The following GALNT11 variants were observed in gnomAD, a reference collection of about 807,000 sequenced individuals.
The protein encoded by GALNT11 is UDP-GalNAc:polypeptide N-acetylgalactosaminyltransferase 11.
A neutral mutation model predicts 72.7 loss-of-function variants in GALNT11; 47 were observed. The ratio of observed to expected loss-of-function variants is 0.65; its 90% CI spans 0.51 to 0.82. The LOEUF (loss-of-function observed/expected upper bound fraction) is 0.82, where lower values mean the gene tolerates loss of function less well. Ranked by LOEUF, GALNT11 falls within the 40% of genes least tolerant of loss-of-function variation. The pLI is 0.00. For synonymous variants in GALNT11, 270 were observed against 286.6 expected (o/e 0.94, Z 0.58); for missense variants, 677 against 778.4 (o/e 0.87, Z 1.55).
chr7:152,098,171 G>C (rs1237044808), intron 2 of GALNT11, among the ~76,000 whole-genome samples: 1 of 152,118 alleles, frequency 6.6e-6, no homozygotes, highest in Non-Finnish European at 1.5e-5. Flanking sequence ...AAGATTATTG[G>C]CCAGGCATGG....
At position 152,116,084 on chromosome 7, in the gene GALNT11, G is replaced by A. The variant is rs987131182; in HGVS notation, c.1234-1073G>A. Among the ~76,000 whole-genome samples, 3 of 152,080 alleles carry A rather than the reference G, an allele frequency of 2.0e-5. No homozygotes were observed. In the East Asian group the frequency reaches 5.8e-4, roughly 29 times the overall value. On this transcript the variant is annotated intron_variant, in intron 8 of 11. Transcript: ENST00000430044. ...AAAAAATTTACTGAGGAGATCAGTG[G>A]TTTTATATATAATTTTTTGATATTG... is the stretch of plus-strand genomic sequence containing the variant.
At chr7:152,046,713 A>G (rs2083143812) in intron 1 of GALNT11, among the ~76,000 whole-genome samples, 1 of 152,156 alleles carries the variant, frequency 6.6e-6, no homozygotes, top group Non-Finnish European at 1.5e-5. Flanking sequence ...CTTGTAGGCA[A>G]CAGGTTGTTG....
In GALNT11 at chr7:152,068,197, C is replaced by T. The variant is rs144805867; in HGVS notation, c.-38-25993C>T. ...CCCTCTGCCTCCCCACCCTATGAGC[C>T]CCTGACTACTACTGATCTCTTTATC... On this transcript the variant is annotated intron_variant, in intron 1 of 11. Coordinates refer to ENST00000430044, the MANE Select transcript of GALNT11 (RefSeq NM_022087.4). 1.3e-4 allele frequency among the ~76,000 whole-genome samples: 20 copies of T among 152,272 alleles called. No homozygotes were observed. The East Asian group carries it at 3.7e-3, about 28-fold the overall frequency.
intron 1 of GALNT11, among the ~76,000 whole-genome samples, chr7:152,084,596 C>T (rs1010802064): frequency 1.4e-4 from 22 of 151,992 alleles, no homozygotes; most frequent in Non-Finnish European, 2.5e-4. Flanking sequence ...ACTGGTTAGC[C>T]GTCTTTCTTG....
chr7:152,075,593 G>A (rs2084910354), intron 1 of GALNT11, among the ~76,000 whole-genome samples: 1 of 152,046 alleles, frequency 6.6e-6, no homozygotes, highest in African/African-American at 2.4e-5. Context: ...GATCACCTGA[G>A]GTCGGGAGTT....
At chr7:152,034,199 C>T (rs2082443590) in intron 1 of GALNT11, among the ~76,000 whole-genome samples, 1 of 152,034 alleles carries the variant, frequency 6.6e-6, no homozygotes, top group Non-Finnish European at 1.5e-5. Flanking sequence ...TTAGAGGAGG[C>T]TTATCATTAA....
At chr7:152,098,551 A>G (rs941117475) in intron 2 of GALNT11, among the ~76,000 whole-genome samples, 1 of 152,182 alleles carries the variant, frequency 6.6e-6, no homozygotes, top group African/African-American at 2.4e-5. Flanking sequence ...TTTGGCTACA[A>G]TTTTGAGTAG....
chr7:152,054,186 A>G (rs1261613582), intron 1 of GALNT11, among the ~76,000 whole-genome samples: 1 of 151,988 alleles, frequency 6.6e-6, no homozygotes, highest in Non-Finnish European at 1.5e-5. Context: ...TAATAGCTTT[A>G]ATTGATTTTT....
In GALNT11 at chr7:152,121,626, C is replaced by A. The variant is rs139209693; in HGVS notation, c.1776C>A (p.Ala592=). 7 of 1,614,090 alleles carry A rather than the reference C, an allele frequency of 4.3e-6. No homozygotes were observed. The African/African-American group carries it at 8.0e-5, about 18-fold the overall frequency. Residue 592 remains alanine, a synonymous_variant, in exon 12 of 12, where the codon GCC becomes GCA. Transcript: ENST00000430044. ...VDPLGQKGSV[A]MAICDGSSSQ... Reference sequence around the variant, plus strand: ...CCCTGGGTCAGAAGGGCTCTGTCGCCATGGCGATCTGCGATGGCTCCTCTT... The same window carrying A: ...CCCTGGGTCAGAAGGGCTCTGTCGCAATGGCGATCTGCGATGGCTCCTCTT...
At chr7:152,050,370 G>T (rs900458001) in intron 1 of GALNT11, among the ~76,000 whole-genome samples, 1 of 152,192 alleles carries the variant, frequency 6.6e-6, no homozygotes, top group Non-Finnish European at 1.5e-5. Flanking sequence ...AAGGTAGCAG[G>T]TTCCCTTGTA....
chr7:152,069,333 A>G (rs990984022), intron 1 of GALNT11, among the ~76,000 whole-genome samples: 2 of 152,186 alleles, frequency 1.3e-5, no homozygotes, highest in African/African-American at 2.4e-5. Flanking sequence ...GATGTGTTTT[A>G]TGGTCCAGAA....
rs531785296 is a variant in GALNT11, at chr7:152,033,726, A to G, written c.-39+7842A>G. 9.2e-5 allele frequency among the ~76,000 whole-genome samples: 14 copies of G among 152,194 alleles called. No homozygotes were observed. The East Asian group carries it at 1.7e-3, about 19-fold the overall frequency. On this transcript the variant is annotated intron_variant, in intron 1 of 11. Coordinates refer to ENST00000430044, the MANE Select transcript of GALNT11 (RefSeq NM_022087.4). ...GTCCTTCTAGAACACAGGTCAACAG[A>G]TGTTTACGACTCCAGTCCCCATGAT...
intron 5 of GALNT11, 70 bp from the exon 6 acceptor site, chr7:152,107,968 A>G: frequency 4.6e-6 from 7 of 1,538,156 alleles, no homozygotes; most frequent in Non-Finnish European, 6.2e-6. Flanking sequence ...GCGTCATCCC[A>G]TTGGACGGGT....
chr7:152,042,437 T>C (rs2082908717), intron 1 of GALNT11, among the ~76,000 whole-genome samples: 1 of 152,236 alleles, frequency 6.6e-6, no homozygotes, highest in Non-Finnish European at 1.5e-5. Context: ...TTTTTAATTG[T>C]TGAGTAATTA....
chr7:152,087,003 A>T (rs1034210533), intron 1 of GALNT11, among the ~76,000 whole-genome samples: 1 of 152,216 alleles, frequency 6.6e-6, no homozygotes, highest in Admixed American at 6.5e-5. Context: ...ATTTGCAAGC[A>T]TGTTGCTAAC....
intron 1 of GALNT11, among the ~76,000 whole-genome samples, chr7:152,028,556 T>C (rs904898130): frequency 8.5e-5 from 13 of 152,216 alleles, no homozygotes; most frequent in Non-Finnish European, 1.6e-4. Context: ...GAGCACTGAT[T>C]GGTGTGTTTA....
intron 1 of GALNT11, among the ~76,000 whole-genome samples, chr7:152,052,417 G>A (rs907155744): frequency 6.6e-6 from 1 of 152,082 alleles, no homozygotes; most frequent in African/African-American, 2.4e-5. Context: ...TATTTATACA[G>A]TATACCTATA....
At chr7:152,114,831 C>G (rs1038957480) in intron 8 of GALNT11, among the ~76,000 whole-genome samples, 1 of 152,132 alleles carries the variant, frequency 6.6e-6, no homozygotes. Flanking sequence ...CTGGTTGCTG[C>G]TGTATTTGTG....
At chr7:152,050,690 G>A (rs945916320) in intron 1 of GALNT11, among the ~76,000 whole-genome samples, 2 of 152,168 alleles carry the variant, frequency 1.3e-5, no homozygotes, top group African/African-American at 4.8e-5. Flanking sequence ...CCAGCACCAA[G>A]ACTTGCCCAG....
Sources: gnomAD v4.1 joint callset for allele counts (sites outside exome capture counted in the v4.1 genomes callset) on GRCh38, gnomAD v4.1.1 for gene constraint, MANE v1.5 for transcripts, NCBI Gene and HGNC (gene_info 2026-07-23, HGNC 2026-07-21) for gene names.